PLA2G3: variants seen among roughly 807,000 people sequenced by gnomAD.
The protein encoded by PLA2G3 is group 3 secretory phospholipase A2.
Under a neutral mutation model 51.3 loss-of-function variants are expected in PLA2G3, and 39 were observed. The ratio of observed to expected loss-of-function variants is 0.76; its 90% confidence interval spans 0.59 to 0.99. The LOEUF (loss-of-function observed/expected upper bound fraction) is 0.99, where lower values mean the gene tolerates loss of function less well. Among genes scored for constraint, PLA2G3 ranks in the 50% least tolerant of loss-of-function variants. The pLI is 0.00. For synonymous variants in PLA2G3, 293 were observed against 263.1 expected (o/e 1.11, Z -1.10); for missense variants, 677 against 662.1 (o/e 1.02, Z -0.25).
chr22:31,136,698 C>T lies in PLA2G3; in HGVS notation c.1301G>A (p.Cys434Tyr), dbSNP rs1024238946. The T allele has an allele frequency of 1.2e-6, 2 of 1,613,104 alleles. No individual in the cohort carries two copies. The highest frequency in any genetic ancestry group is 1.7e-6 in the Non-Finnish European group (2 of 1,179,550). ...CATCACTTACTTTTTGCCTTCCACA[C>T]AGTCCAGTGGAGGGGCCAGCTTGAA... ...TCFKLAPPLD[C>Y]VEGKNCSRDP... The change falls in exon 6 of 7, where the codon TGT becomes TAT. Residue 434 changes from cysteine (C) to tyrosine (Y), a missense_variant. By Grantham distance (194) the Cys-to-Tyr change is radical. Coordinates refer to ENST00000215885, the MANE Select transcript of PLA2G3 (RefSeq NM_015715.5).
chr22:31,137,623 G>A (rs1005964227), intron 4 of PLA2G3, 87 bp downstream of exon 4: 5 of 1,227,990 alleles, frequency 4.1e-6, no homozygotes, highest in African/African-American at 3.0e-5. Flanking sequence ...ACTGGTGCAG[G>A]AAAAGAGGCA....
At position 31,136,725 on chromosome 22, in the gene PLA2G3, C is replaced by T. The variant is rs769762847; in HGVS notation, c.1274G>A (p.Cys425Tyr). ...NMLWELLGTT[C>Y]FKLAPPLDCV... ...GTCCAGTGGAGGGGCCAGCTTGAAG[C>T]AGGTTGTGCCCAGCAGCTCCCAAAG... is the stretch of plus-strand genomic sequence containing the variant. Residue 425 changes from cysteine (C) to tyrosine (Y), a missense_variant, in exon 6 of 7, where the codon TGC becomes TAC. Physicochemically the swap from Cys to Tyr is radical, Grantham distance 194. Coordinates refer to ENST00000215885, the MANE Select transcript of PLA2G3 (RefSeq NM_015715.5). 6.2e-7 allele frequency: 1 copy of T among 1,613,534 alleles called. No homozygotes were observed. Among genetic ancestry groups the T allele is most frequent in the South Asian group, 1.1e-5 (1 of 91,034 alleles).
In PLA2G3 at chr22:31,137,321, G is replaced by A. The variant is rs550894078; in HGVS notation, c.1067-281C>T. The stretch of plus-strand genomic sequence containing the variant: ...GGAGGCATAGGCTGCTAAACTGAGG[G>A]TGGGAGAGAAGACAAGGAGAGGAGG... On this transcript the variant is annotated intron_variant, in intron 4 of 6. Transcript: ENST00000215885. 2.6e-5 allele frequency among the ~76,000 whole-genome samples: 4 copies of A among 152,348 alleles called. No individual in the cohort carries two copies. In the East Asian group the frequency reaches 7.7e-4, roughly 29 times the overall value.
Position 31,135,613 on chromosome 22 carries a change from A to C in PLA2G3, c.*110T>G, listed in dbSNP as rs1922509758. The C allele has an allele frequency of 1.3e-6, 1 of 792,346 alleles. No individual in the cohort carries two copies. The highest frequency in any genetic ancestry group is 2.2e-6 in the Non-Finnish European group (1 of 464,996). 49.1% of individuals were successfully genotyped at this position (792,346 alleles called of 1,614,324 possible). A position where few individuals can be genotyped will look rare whatever the true frequency, so the allele number is the denominator to read the frequency against. ...ATTCATCCTCTTGATTGTCCACAAC[A>C]GCCTCTGCCATGCTTCAGTCTAACC... On this transcript the variant is annotated 3_prime_UTR_variant, in exon 7 of 7. Coordinates refer to ENST00000215885, the MANE Select transcript of PLA2G3 (RefSeq NM_015715.5).
Position 31,140,240 on chromosome 22 carries a change from C to T in PLA2G3, c.115G>A (p.Gly39Ser). The T allele has an allele frequency of 6.2e-7, 1 of 1,612,640 alleles. No individual in the cohort carries two copies. The highest frequency in any genetic ancestry group is 8.5e-7 in the Non-Finnish European group (1 of 1,180,008). Residue 39 changes from glycine (G) to serine (S), a missense_variant, in exon 1 of 7, where the codon GGC (glycine) becomes AGC (serine). By Grantham distance (56) the Gly-to-Ser change is moderately conservative. Coordinates refer to ENST00000215885, the MANE Select transcript of PLA2G3 (RefSeq NM_015715.5). The stretch of plus-strand genomic sequence containing the variant: ...AAGCTCAGGTACCCCAGTGGGTTGC[C>T]AGGGACGGCCTTGGTCAAGTGGCAG... The part of the protein sequence containing the change: ...TSCHLTKAVP[G>S]NPLGYLSFLA...
At position 31,140,478 on chromosome 22, in the gene PLA2G3, T is replaced by C. The variant is rs1435132422; in HGVS notation, c.-124A>G. 4 of 1,059,742 alleles carry C rather than the reference T, an allele frequency of 3.8e-6. No homozygotes were observed. Among genetic ancestry groups the C allele is most frequent in the Non-Finnish European group, 5.4e-6 (4 of 743,744 alleles). 65.6% of individuals were successfully genotyped at this position (1,059,742 alleles called of 1,614,324 possible). ...AGCAGGCCCGGTGCGGCGGGACCAATGAATGGAGCTGCGGGAGGAGGAGGA... is the reference window on the plus strand; with the variant it reads ...AGCAGGCCCGGTGCGGCGGGACCAACGAATGGAGCTGCGGGAGGAGGAGGA... On this transcript the variant is annotated 5_prime_UTR_variant, in exon 1 of 7. Transcript: ENST00000215885.
rs779416657 is a variant in PLA2G3 at position 31,138,343 on chromosome 22, C to G, written c.715G>C (p.Val239Leu). ...SDIVGVAFFN[V>L]LEIPCFVLEE... ...AGCACAAAGCAGGGGATCTCCAGCA[C>G]GTTGAAGAAGGCCACGCCCACGATG... Residue 239 changes from valine (V) to leucine (L), a missense_variant, in exon 3 of 7, where the codon GTG becomes CTG. Physicochemically the swap from Val to Leu is conservative, Grantham distance 32 (BLOSUM62 1). Coordinates refer to ENST00000215885, the MANE Select transcript of PLA2G3 (RefSeq NM_015715.5). The G allele has an allele frequency of 6.2e-7, 1 of 1,613,966 alleles. No individual in the cohort carries two copies. The highest frequency in any genetic ancestry group is 1.3e-5 in the African/African-American group (1 of 75,040).
rs1023496333 is a variant in PLA2G3 at position 31,140,089 on chromosome 22, T to C, written c.266A>G (p.His89Arg). 6.2e-7 allele frequency: 1 copy of C among 1,613,350 alleles called. No individual in the cohort carries two copies. Among genetic ancestry groups the C allele is most frequent in the Non-Finnish European group, 8.5e-7 (1 of 1,180,024 alleles). ...LTAAYGALCA[H>R]ETAWGSFIHT... is the part of the protein sequence containing the mutation. ...GATGAAGGAGCCCCAGGCAGTCTCA[T>C]GAGCACAGAGAGCACCGTAGGCTGC... The change falls in exon 1 of 7, where the codon CAT becomes CGT. Residue 89 changes from histidine (H) to arginine (R), a missense_variant. Coordinates refer to ENST00000215885, the MANE Select transcript of PLA2G3 (RefSeq NM_015715.5).
chr22:31,138,864 G>A (rs950436534), intron 1 of PLA2G3, 65 bp from the exon 2 acceptor site: 1 of 1,557,116 alleles, frequency 6.4e-7, no homozygotes, highest in African/African-American at 1.4e-5. Flanking sequence ...CACCAGCTAT[G>A]CCCCCCTGGT....
intron 1 of PLA2G3, among the ~76,000 whole-genome samples, chr22:31,139,611 A>G (rs2147896786): frequency 1.3e-5 from 2 of 152,182 alleles, no homozygotes; most frequent in Admixed American, 1.3e-4. Flanking sequence ...CTCGGATGGC[A>G]TTTAATGAGG....
rs1353709320 is a variant in PLA2G3 at position 31,135,885 on chromosome 22, C to A, written c.1368G>T (p.Arg456Ser). The A allele has an allele frequency of 2.5e-6, 4 of 1,613,842 alleles. No homozygotes were observed. In the South Asian group the frequency reaches 4.4e-5, roughly 18 times the overall value. The change falls in exon 7 of 7, where the codon AGG becomes AGT. Residue 456 changes from arginine to serine, a missense_variant. Transcript: ENST00000215885. ...GGAGCTGGTGTCGCCTCTGCTGAAGCCTCCGCAAGTGCCGGGCTGACACCC... is the reference window on the plus strand; with the variant it reads ...GGAGCTGGTGTCGCCTCTGCTGAAGACTCCGCAAGTGCCGGGCTGACACCC... Reference protein sequence around the residue: ...AIRVSARHLRRLQQRRHQLQD... With the variant: ...AIRVSARHLRSLQQRRHQLQD...
In PLA2G3 at chr22:31,140,029, G is replaced by A; in HGVS notation, c.326C>T (p.Ala109Val). ...TGCCTCCCACTGACTCTGAAGAGTG[G>A]CCAGTGCTCTCTGCAGCTCGGGTCC... is the stretch of plus-strand genomic sequence containing the variant. Reference protein sequence around the residue: ...TPGPELQRALATLQSQWEACR... With the variant: ...TPGPELQRALVTLQSQWEACR... Residue 109 changes from alanine (A) to valine (V), a missense_variant, in exon 1 of 7, where the codon GCC becomes GTC. By Grantham distance (64) the Ala-to-Val change is moderately conservative. Coordinates refer to ENST00000215885, the MANE Select transcript of PLA2G3 (RefSeq NM_015715.5). 6.2e-7 allele frequency: 1 copy of A among 1,613,742 alleles called. No individual in the cohort carries two copies. Among genetic ancestry groups the A allele is most frequent in the Non-Finnish European group, 8.5e-7 (1 of 1,180,026 alleles).
chr22:31,140,280 G>C lies in PLA2G3; in HGVS notation c.75C>G (p.Arg25=), dbSNP rs1922824715. 1.9e-6 allele frequency: 3 copies of C among 1,611,788 alleles called. No homozygotes were observed. Among genetic ancestry groups the C allele is most frequent in the Non-Finnish European group, 2.5e-6 (3 of 1,179,874 alleles). ...TCAAGTGGCAGGAGGTCCTGTACCA[G>C]CGGAGGGCAGGGGAGCCCCCCAGGG... is the stretch of plus-strand genomic sequence containing the variant. ...GVALGGSPAL[R]WYRTSCHLTK... is the part of the protein sequence containing the mutation. The change falls in exon 1 of 7, where the codon CGC becomes CGG. Residue 25 remains arginine, a synonymous_variant. Coordinates refer to ENST00000215885, the MANE Select transcript of PLA2G3 (RefSeq NM_015715.5).
In PLA2G3 at chr22:31,138,410, C is replaced by T. The variant is rs1410416453; in HGVS notation, c.648G>A (p.Arg216=). 3.7e-6 allele frequency: 6 copies of T among 1,613,742 alleles called. No individual in the cohort carries two copies. Among genetic ancestry groups the T allele is most frequent in the Non-Finnish European group, 5.1e-6 (6 of 1,179,946 alleles). ...HTISHCDCDT[R]FQQCLQNQHD... ...GCTGATTCTGTAGGCATTGCTGAAA[C>T]CTGCCCCAGAACAGATACCCAGGAC... is the stretch of plus-strand genomic sequence containing the variant. Residue 216 remains arginine, a splice_region_variant and synonymous_variant, in exon 3 of 7, where the codon AGG becomes AGA. Coordinates refer to ENST00000215885, the MANE Select transcript of PLA2G3 (RefSeq NM_015715.5).
chr22:31,139,838 C>T lies in PLA2G3; in HGVS notation c.514+3G>A. 3.1e-6 allele frequency: 5 copies of T among 1,609,804 alleles called. No individual in the cohort carries two copies. Among genetic ancestry groups the T allele is most frequent in the Non-Finnish European group, 4.2e-6 (5 of 1,177,068 alleles). ...CCCAGCCCACACACCCCTCATGGCT[C>T]ACCCAGCTCCGAGGAGTTCCCAGCA... On this transcript the variant is annotated splice_donor_region_variant and intron_variant, in intron 1 of 6. Transcript: ENST00000215885.
intron 6 of PLA2G3, among the ~76,000 whole-genome samples, chr22:31,136,317 G>C (rs970515749): frequency 6.6e-6 from 1 of 152,228 alleles, no homozygotes; most frequent in Non-Finnish European, 1.5e-5. Flanking sequence ...GACCAAATGA[G>C]ATTGTGGATT....
In PLA2G3 at chr22:31,136,985, C is replaced by A; in HGVS notation, c.1122G>T (p.Gln374His). 1 of 1,570,178 alleles carries A rather than the reference C, an allele frequency of 6.4e-7. No homozygotes were observed. The change falls in exon 5 of 7, where the codon CAG becomes CAT. Residue 374 changes from glutamine (Q) to histidine (H), a missense_variant. Transcript: ENST00000215885. ...FRRHLDQCEH[Q>H]IGPREIEFQL... ...GGAACTCGATTTCCCGGGGCCCAAT[C>A]TGGTGCTCACACTGGTCCAGGTGGC... is the stretch of plus-strand genomic sequence containing the variant.
rs1922730862 is a variant in PLA2G3, at chr22:31,138,650, C to T, written c.647+17G>A. On this transcript the variant is annotated intron_variant, in intron 2 of 6. Transcript: ENST00000215885. ...GCCCTGTCCCTGAGCTCTGGGCCCTCGCTGCCTGCCACCAACCTGGTGTCA... is the reference window on the plus strand; with the variant it reads ...GCCCTGTCCCTGAGCTCTGGGCCCTTGCTGCCTGCCACCAACCTGGTGTCA... The T allele has an allele frequency of 2.5e-6, 4 of 1,614,014 alleles. No homozygotes were observed. The highest frequency in any genetic ancestry group is 2.2e-5 in the South Asian group (2 of 91,054).
chr22:31,139,181 C>T (rs1298256481), intron 1 of PLA2G3, among the ~76,000 whole-genome samples: 1 of 152,210 alleles, frequency 6.6e-6, no homozygotes, highest in African/African-American at 2.4e-5. Flanking sequence ...ACCTTTCTCA[C>T]TGGCACAAGG....
Sources: allele counts gnomAD v4.1 joint callset (sites outside exome capture counted in the v4.1 genomes callset), GRCh38; gene constraint gnomAD v4.1.1; transcripts MANE v1.5; gene names NCBI Gene and HGNC (gene_info 2026-07-23, HGNC 2026-07-21).